The following DYNC1I2 variants were observed in gnomAD, a reference collection of about 807,000 sequenced individuals.
DYNC1I2 encodes the protein dynein cytoplasmic 1 intermediate chain 2, also known as cytoplasmic dynein 1 intermediate chain 2.
In DYNC1I2, 53 loss-of-function variants were observed where a neutral mutation model predicts 88.6. The ratio of observed to expected loss-of-function variants is 0.60; its 90% CI spans 0.48 to 0.75. The LOEUF (loss-of-function observed/expected upper bound fraction) is 0.75, where lower values mean the gene tolerates loss of function less well. DYNC1I2 is among the 30% of genes least tolerant of loss of function. The pLI is 0.00. For missense variants in DYNC1I2, 458 were observed against 766.6 expected (o/e 0.60, Z 4.75); for synonymous variants, 198 against 254.6 (o/e 0.78, Z 2.12).
intron 3 of DYNC1I2, among the ~76,000 whole-genome samples, chr2:171,703,922 A>C (rs1286662416): frequency 6.6e-6 from 1 of 152,174 alleles, no homozygotes; most frequent in East Asian, 1.9e-4. Flanking sequence ...TCCATTTCAC[A>C]GTCTTCTACC....
chr2:171,693,973 A>T (rs1685571672), intron 3 of DYNC1I2, among the ~76,000 whole-genome samples: 1 of 144,826 alleles, frequency 6.9e-6, no homozygotes, highest in Admixed American at 6.8e-5. Context: ...CTCCTATAGG[A>T]TTTTTTTTCT....
chr2:171,735,837 T>C (rs1398707553), intron 15 of DYNC1I2, among the ~76,000 whole-genome samples: 1 of 152,232 alleles, frequency 6.6e-6, no homozygotes, highest in East Asian at 1.9e-4. Context: ...TACAGATTAC[T>C]GTTAAAACAT....
chr2:171,731,935 T>C (rs1688642597), intron 15 of DYNC1I2, among the ~76,000 whole-genome samples: 1 of 152,244 alleles, frequency 6.6e-6, no homozygotes, highest in Non-Finnish European at 1.5e-5. Flanking sequence ...CTTCCGTCTT[T>C]GTCATTGTTT....
At chr2:171,699,248 A>G (rs1000186840) in intron 3 of DYNC1I2, among the ~76,000 whole-genome samples, 1 of 152,138 alleles carries the variant, frequency 6.6e-6, no homozygotes, top group Non-Finnish European at 1.5e-5. Context: ...CAGAGGTTGC[A>G]GTGAGCCGAG....
chr2:171,712,163 G>A (rs1415016292), intron 5 of DYNC1I2, among the ~76,000 whole-genome samples: 6 of 152,102 alleles, frequency 3.9e-5, no homozygotes, highest in Non-Finnish European at 7.4e-5. Flanking sequence ...CAGATGATAC[G>A]TAAGCCCAAG....
At chr2:171,739,283 A>C (rs1234957718) in intron 15 of DYNC1I2, among the ~76,000 whole-genome samples, 1 of 152,148 alleles carries the variant, frequency 6.6e-6, no homozygotes, top group Non-Finnish European at 1.5e-5. Flanking sequence ...TTTGGCTATT[A>C]AAATGATCAT....
chr2:171,722,576 G>T (rs1257346600), intron 7 of DYNC1I2, among the ~76,000 whole-genome samples: 3 of 152,092 alleles, frequency 2.0e-5, no homozygotes, highest in African/African-American at 7.2e-5. Flanking sequence ...AAAATCTTCA[G>T]AACTGTAATT....
rs1265027628 is a variant in DYNC1I2, at chr2:171,707,328, C to G, written c.286C>G (p.Pro96Ala). 2 of 1,613,728 alleles carry G rather than the reference C, an allele frequency of 1.2e-6. No individual in the cohort carries two copies. The highest frequency in any genetic ancestry group is 1.7e-5 in the Admixed American group (1 of 59,988). The change falls in exon 5 of 18, where the codon CCA becomes GCA. Residue 96 changes from proline (P) to alanine (A), a missense_variant. Coordinates refer to ENST00000397119, the MANE Select transcript of DYNC1I2 (RefSeq NM_001378.3). ...TCCATCCTCCAAATCTGTGAGCACT[C>G]CAAGTGAAGCTGGAAGCCAAGACTC... ...MSPSSKSVST[P>A]SEAGSQDSGD...
In DYNC1I2 at chr2:171,714,370, A is replaced by T. The variant is rs193096808; in HGVS notation, c.396-958A>T. ...TAGTTACTAAATAGAACTGAAAAGA[A>T]TATTTATATAAGAAAAAAGTTATAT... On this transcript the variant is annotated intron_variant, in intron 6 of 17. Transcript: ENST00000397119. 4.4e-3 allele frequency among the ~76,000 whole-genome samples: 676 copies of T among 152,192 alleles called. 22 individuals carry two copies. The highest frequency in any genetic ancestry group is 0.041 in the Admixed American group (621 of 15,300).
At chr2:171,703,229 G>A (rs1181729018) in intron 3 of DYNC1I2, among the ~76,000 whole-genome samples, 2 of 152,062 alleles carry the variant, frequency 1.3e-5, no homozygotes, top group African/African-American at 4.8e-5. Flanking sequence ...CAACTAAATC[G>A]TATTGTTTAA....
rs1300239747 is a variant in DYNC1I2 at position 171,728,809 on chromosome 2, G to A, written c.1350G>A (p.Gly450=). The change falls in exon 14 of 18, where the codon GGG becomes GGA. Residue 450 remains glycine, a synonymous_variant. Transcript: ENST00000397119. ...PVGDVNNFVV[G]SEEGSVYTAC... is the part of the protein sequence containing the mutation. ...GAGATGTCAACAACTTTGTTGTTGG[G>A]AGTGAAGAAGGTTCTGTGTACACAG... 3.1e-6 allele frequency: 5 copies of A among 1,611,220 alleles called. No individual in the cohort carries two copies. The highest frequency in any genetic ancestry group is 2.2e-5 in the South Asian group (2 of 90,408).
rs554110402 is a variant in DYNC1I2, at chr2:171,733,680, G to A, written c.1536+3827G>A. 2.8e-4 allele frequency among the ~76,000 whole-genome samples: 42 copies of A among 151,138 alleles called. No homozygotes were observed. In the South Asian group the frequency reaches 7.9e-3, roughly 29 times the overall value. On this transcript the variant is annotated intron_variant, in intron 15 of 17. Transcript: ENST00000397119. ...TATAGATGCCGGATATTAGATCTTC[G>A]TCAGATTCATAGATTGTAGAATTTT... is the stretch of plus-strand genomic sequence containing the variant.
At chr2:171,722,067 A>G (rs1285073153) in intron 7 of DYNC1I2, among the ~76,000 whole-genome samples, 1 of 152,192 alleles carries the variant, frequency 6.6e-6, no homozygotes, top group African/African-American at 2.4e-5. Flanking sequence ...ACTGTGAGGT[A>G]CAGATGAGAA....
At chr2:171,737,505 C>T (rs1689091246) in intron 15 of DYNC1I2, among the ~76,000 whole-genome samples, 1 of 152,176 alleles carries the variant, frequency 6.6e-6, no homozygotes, top group Non-Finnish European at 1.5e-5. Flanking sequence ...GCAACCTCCA[C>T]CTCCCAGGTT....
chr2:171,727,766 C>G, intron 11 of DYNC1I2, 55 bp from the exon 12 acceptor site: 2 of 1,529,834 alleles, frequency 1.3e-6, no homozygotes, highest in Non-Finnish European at 1.8e-6. Context: ...ATTTTTAGAA[C>G]TTGTCAGGCA....
chr2:171,701,095 G>A (rs959602954), intron 3 of DYNC1I2, among the ~76,000 whole-genome samples: 1 of 152,168 alleles, frequency 6.6e-6, no homozygotes, highest in Non-Finnish European at 1.5e-5. Flanking sequence ...CTTTTTGCTG[G>A]GGTAAATATT....
chr2:171,725,039 G>A (rs1267342588), intron 7 of DYNC1I2, among the ~76,000 whole-genome samples: 1 of 152,090 alleles, frequency 6.6e-6, no homozygotes, highest in Non-Finnish European at 1.5e-5. Context: ...TAGAAAATGT[G>A]GTCTTATAGC....
At position 171,717,408 on chromosome 2, in the gene DYNC1I2, C is replaced by A. The variant is rs148584728; in HGVS notation, c.511+1965C>A. Among the ~76,000 whole-genome samples, 529 of 152,244 alleles carry A rather than the reference C, an allele frequency of 3.5e-3. 6 individuals are homozygous for A. The highest frequency in any genetic ancestry group is 0.012 in the African/African-American group (512 of 41,546). ...GGGATTACAGGTGTGAGCTACTGTG[C>A]CCGGCCATGTCCAAGTACTTTTTAC... On this transcript the variant is annotated intron_variant, in intron 7 of 17. Transcript: ENST00000397119.
chr2:171,730,703 G>GT (rs1310956698), intron 15 of DYNC1I2, among the ~76,000 whole-genome samples: 16 of 150,388 alleles, frequency 1.1e-4, no homozygotes, highest in South Asian at 2.1e-4. Context: ...ATTCTAAGGT[G>GT]TTTTTTTTTC....
Sources: allele counts gnomAD v4.1 joint callset (sites outside exome capture counted in the v4.1 genomes callset), GRCh38; gene constraint gnomAD v4.1.1; transcripts MANE v1.5; gene names NCBI Gene and HGNC (gene_info 2026-07-23, HGNC 2026-07-21).